BICD1: variants seen among roughly 807,000 people sequenced by gnomAD.
The protein encoded by BICD1 is protein bicaudal D homolog 1.
BICD1 carries 35 observed loss-of-function variants against 92.5 expected under a neutral mutation model. The ratio of observed to expected loss-of-function variants is 0.38; its 90% CI spans 0.29 to 0.50. The LOEUF is 0.50. BICD1 is among the 20% of genes least tolerant of loss of function. The probability of loss-of-function intolerance (pLI) is 0.93; values close to 1 mark genes in which losing one functional copy is unlikely to be tolerated. For missense variants in BICD1, 950 were observed against 1,189.8 expected, an observed-to-expected ratio of 0.80 and a Z score of 2.97; for synonymous variants, 429 against 465.1, an observed-to-expected ratio of 0.92 and a Z score of 1.00.
intron 1 of BICD1, among the ~76,000 whole-genome samples, chr12:32,185,368 G>C (rs1270846826): frequency 1.3e-5 from 2 of 152,172 alleles, no homozygotes; most frequent in Non-Finnish European, 2.9e-5. Flanking sequence ...AAATTATGCT[G>C]TGGTAACAAA....
intron 1 of BICD1, among the ~76,000 whole-genome samples, chr12:32,120,346 A>G (rs559209913): frequency 6.6e-6 from 1 of 152,308 alleles, no homozygotes; most frequent in African/African-American, 2.4e-5. Context: ...GAAAATGAGA[A>G]CCTGTTTATA....
chr12:32,207,440 A>T (rs1945091727), intron 1 of BICD1, among the ~76,000 whole-genome samples: 1 of 152,160 alleles, frequency 6.6e-6, no homozygotes, highest in Non-Finnish European at 1.5e-5. Context: ...GGAAAATATG[A>T]TATGCTATTT....
chr12:32,129,155 G>A (rs138400546), intron 1 of BICD1, among the ~76,000 whole-genome samples: 7,268 of 151,434 alleles, frequency 0.048, 250 homozygotes, highest in Non-Finnish European at 0.074. Context: ...GGCTGGTCTC[G>A]AACTCCTGAC....
intron 8 of BICD1, among the ~76,000 whole-genome samples, chr12:32,363,935 T>TATTA (rs1191362767): frequency 6.6e-6 from 1 of 152,200 alleles, no homozygotes. Flanking sequence ...AGAGCATGTA[T>TATTA]ATTAAGTGCC....
intron 2 of BICD1, among the ~76,000 whole-genome samples, chr12:32,275,892 G>A (rs792859): frequency 0.22 from 33,722 of 151,934 alleles, 4,752 homozygotes; most frequent in Non-Finnish European, 0.32. Flanking sequence ...GCTTCTAATA[G>A]CTCATCGCAT....
At chr12:32,158,095 G>GTTTTTTTTTTTTTTTTTTTTTTTTTT (rs555722768) in intron 1 of BICD1, among the ~76,000 whole-genome samples, 1 of 143,528 alleles carries the variant, frequency 7.0e-6, no homozygotes, top group Admixed American at 7.1e-5. Flanking sequence ...GAGCCTAGGG[G>GTTTTTTTTTTTTTTTTTTTTTTTTTT]TTTTTTTTTT....
intron 1 of BICD1, among the ~76,000 whole-genome samples, chr12:32,128,246 T>A (rs552906135): frequency 6.6e-6 from 1 of 152,332 alleles, no homozygotes; most frequent in East Asian, 1.9e-4. Flanking sequence ...AAATATTATT[T>A]AAGGGCTTTT....
chr12:32,139,676 G>T (rs927918841), intron 1 of BICD1, among the ~76,000 whole-genome samples: 4 of 152,134 alleles, frequency 2.6e-5, no homozygotes, highest in Non-Finnish European at 4.4e-5. Context: ...GATTCCTCGT[G>T]CCTTAGCCTC....
chr12:32,221,356 A>AAAATAAATAAAT (rs1555150050), intron 2 of BICD1, among the ~76,000 whole-genome samples: 1 of 149,754 alleles, frequency 6.7e-6, no homozygotes, highest in African/African-American at 2.5e-5. Context: ...AAAAAATAAA[A>AAAATAAATAAAT]AAATAAATAA....
At chr12:32,215,975 A>AAAAAAAAG (rs1555148835) in intron 1 of BICD1, among the ~76,000 whole-genome samples, 1 of 143,992 alleles carries the variant, frequency 6.9e-6, no homozygotes, top group Non-Finnish European at 1.5e-5. Flanking sequence ...AAAAAAAAAA[A>AAAAAAAAG]GGAGAACATA....
At chr12:32,111,044 A>G (rs1941669977) in intron 1 of BICD1, among the ~76,000 whole-genome samples, 1 of 152,196 alleles carries the variant, frequency 6.6e-6, no homozygotes. Context: ...AAAATGTTGT[A>G]AAGTTGAAAA....
At chr12:32,316,035 C>T (rs1948491316) in intron 4 of BICD1, among the ~76,000 whole-genome samples, 1 of 151,026 alleles carries the variant, frequency 6.6e-6, no homozygotes, top group African/African-American at 2.4e-5. Flanking sequence ...ACTTGGGAGG[C>T]TGAGGCAGGA....
Position 32,107,514 on chromosome 12 carries a change from C to G in BICD1, c.183C>G (p.Ser61Arg), listed in dbSNP as rs567663900. The stretch of plus-strand genomic sequence containing the variant: ...ATGAACTGGAGGCTGAGTACGACAG[C>G]CTCAAACAGGAGCTGGAGCAGCTCA... ...QYDELEAEYDSLKQELEQLKE... is the reference protein window; with the variant it reads ...QYDELEAEYDRLKQELEQLKE... Residue 61 changes from serine (S) to arginine (R), a missense_variant, in exon 1 of 10, where the codon AGC (serine) becomes AGG (arginine). Coordinates refer to ENST00000652176, the MANE Select transcript of BICD1 (RefSeq NM_001714.4). The G allele has an allele frequency of 1.2e-6, 2 of 1,601,544 alleles. No homozygotes were observed. Among genetic ancestry groups the G allele is most frequent in the Admixed American group, 1.7e-5 (1 of 57,670 alleles).
At chr12:32,251,985 A>ACAATATATT (rs1946533826) in intron 2 of BICD1, among the ~76,000 whole-genome samples, 1 of 130,768 alleles carries the variant, frequency 7.6e-6, no homozygotes, top group African/African-American at 2.9e-5. Context: ...ACCACTATAT[A>ACAATATATT]TATAATATAT....
chr12:32,365,931 G>T (rs528476926), intron 8 of BICD1, among the ~76,000 whole-genome samples: 43 of 152,272 alleles, frequency 2.8e-4, no homozygotes, highest in Middle Eastern at 3.4e-3. Context: ...ATATTTGAAA[G>T]ATTTTTACTG....
intron 1 of BICD1, among the ~76,000 whole-genome samples, chr12:32,159,173 A>G (rs948323070): frequency 6.6e-6 from 1 of 151,994 alleles, no homozygotes; most frequent in African/African-American, 2.4e-5. Context: ...ACCTCATGTG[A>G]TCCACCCACC....
At chr12:32,290,531 G>A (rs1947697179) in intron 2 of BICD1, among the ~76,000 whole-genome samples, 1 of 152,166 alleles carries the variant, frequency 6.6e-6, no homozygotes, top group Non-Finnish European at 1.5e-5. Flanking sequence ...CTCTGCTAAT[G>A]TCTCTTTTGG....
At chr12:32,118,861 G>A (rs1390676760) in intron 1 of BICD1, among the ~76,000 whole-genome samples, 1 of 152,140 alleles carries the variant, frequency 6.6e-6, no homozygotes, top group Non-Finnish European at 1.5e-5. Flanking sequence ...CTACTGTGTC[G>A]GGCATGGTGC....
intron 8 of BICD1, chr12:32,339,202 A>T (rs1365508815): frequency 7.9e-7 from 1 of 1,273,530 alleles, no homozygotes; most frequent in African/African-American, 1.6e-5. Flanking sequence ...AAGATGGCAA[A>T]TGAGAGTTGG....
Sources: gnomAD v4.1 joint callset for allele counts (sites outside exome capture counted in the v4.1 genomes callset) on GRCh38, gnomAD v4.1.1 for gene constraint, MANE v1.5 for transcripts, NCBI Gene and HGNC (gene_info 2026-07-23, HGNC 2026-07-21) for gene names.